Variants in NOS1AP observed in about 807,000 individuals in gnomAD.
NOS1AP encodes the protein carboxyl-terminal PDZ ligand of neuronal nitric oxide synthase protein.
A neutral mutation model predicts 56.2 loss-of-function variants in NOS1AP; 21 were observed. The observed-to-expected ratio is 0.37, with a 90% CI of 0.26 to 0.54. The LOEUF is 0.54. Ranked by LOEUF, NOS1AP falls within the 20% of genes least tolerant of loss-of-function variation. The pLI is 0.84. For missense variants in NOS1AP, 522 were observed against 657.8 expected (o/e 0.79, Z 2.26); for synonymous variants, 270 against 274.6 (o/e 0.98, Z 0.17).
chr1:162,255,699 C>G (rs1194863314), intron 2 of NOS1AP, among the ~76,000 whole-genome samples: 1 of 151,898 alleles, frequency 6.6e-6, no homozygotes, highest in Non-Finnish European at 1.5e-5. Context: ...AAAGAAAGAC[C>G]TCTGTAGCAT....
chr1:162,251,901 G>T (rs1265795180), intron 2 of NOS1AP, among the ~76,000 whole-genome samples: 1 of 115,884 alleles, frequency 8.6e-6, no homozygotes, highest in Non-Finnish European at 1.7e-5. Flanking sequence ...TGGAGACAAG[G>T]TCCCACTATA....
At chr1:162,335,852 C>T (rs1330904783) in intron 5 of NOS1AP, among the ~76,000 whole-genome samples, 2 of 152,186 alleles carry the variant, frequency 1.3e-5, no homozygotes, top group Non-Finnish European at 2.9e-5. Context: ...GTTACCTCCT[C>T]TCTTGGTTGA....
At chr1:162,260,056 T>A (rs142353160) in intron 2 of NOS1AP, among the ~76,000 whole-genome samples, 135 of 152,282 alleles carry the variant, frequency 8.9e-4, no homozygotes, top group African/African-American at 2.9e-3. Flanking sequence ...GAAACAATGA[T>A]GTCATGGGTA....
chr1:162,286,597 T>G (rs953608033), intron 2 of NOS1AP, among the ~76,000 whole-genome samples: 2 of 152,230 alleles, frequency 1.3e-5, no homozygotes, highest in Non-Finnish European at 2.9e-5. Context: ...GAGCTGAGAT[T>G]GAGGATGACG....
chr1:162,158,733 T>C (rs1334468833), intron 2 of NOS1AP, among the ~76,000 whole-genome samples: 1 of 152,166 alleles, frequency 6.6e-6, no homozygotes, highest in Non-Finnish European at 1.5e-5. Flanking sequence ...TATTAGGTTT[T>C]TCCATATATT....
chr1:162,115,081 A>G (rs1647887712), intron 1 of NOS1AP, among the ~76,000 whole-genome samples: 2 of 152,214 alleles, frequency 1.3e-5, no homozygotes. Flanking sequence ...TCATTCACTT[A>G]CAGATTGCCA....
At chr1:162,135,340 T>C (rs1020157854) in intron 1 of NOS1AP, among the ~76,000 whole-genome samples, 5 of 152,218 alleles carry the variant, frequency 3.3e-5, no homozygotes, top group East Asian at 1.9e-4. Context: ...ATACTGAGTA[T>C]CTGCAAAGGT....
chr1:162,228,177 G>T (rs1189524181), intron 2 of NOS1AP, among the ~76,000 whole-genome samples: 2 of 152,156 alleles, frequency 1.3e-5, no homozygotes, highest in East Asian at 3.9e-4. Flanking sequence ...AAGGAGAAAA[G>T]GCTTAGAGGT....
At chr1:162,171,642 G>A (rs1321102933) in intron 2 of NOS1AP, among the ~76,000 whole-genome samples, 2 of 152,182 alleles carry the variant, frequency 1.3e-5, no homozygotes, top group Non-Finnish European at 2.9e-5. Context: ...TAAGGATCCT[G>A]TAAGTGAGCT....
At chr1:162,175,169 G>C (rs6427660) in intron 2 of NOS1AP, among the ~76,000 whole-genome samples, 146,156 of 152,010 alleles carry the variant, frequency 0.96, 70,543 homozygotes, top group East Asian at 1. Context: ...AAAAAAAGTC[G>C]TTATGCATGG....
intron 6 of NOS1AP, among the ~76,000 whole-genome samples, chr1:162,350,549 C>A (rs1186794106): frequency 1.3e-5 from 2 of 152,238 alleles, no homozygotes; most frequent in African/African-American, 4.8e-5. Flanking sequence ...CTGGGTGAGA[C>A]CCTGTTCCCC....
intron 5 of NOS1AP, among the ~76,000 whole-genome samples, chr1:162,340,034 C>T (rs1013110900): frequency 1.3e-5 from 2 of 152,212 alleles, no homozygotes; most frequent in African/African-American, 4.8e-5. Context: ...CCCCTTCTGA[C>T]TCCCTGAGTG....
chr1:162,349,997 GC>G lies in NOS1AP; in HGVS notation c.596-5189del, dbSNP rs1382638322. Among the ~76,000 whole-genome samples the G allele has an allele frequency of 2.6e-5, 4 of 152,330 alleles. No individual in the cohort carries two copies. In the East Asian group the frequency reaches 7.7e-4, roughly 29 times the overall value. On this transcript the variant is annotated intron_variant, in intron 6 of 9. Transcript: ENST00000361897. ...CACACGTTTTCACTGTCTATAAACT[GC>G]TAGGAATGTGTTTCTTCTTACTGTA...
At chr1:162,295,477 G>A (rs986022159) in intron 3 of NOS1AP, among the ~76,000 whole-genome samples, 2 of 152,038 alleles carry the variant, frequency 1.3e-5, no homozygotes, top group African/African-American at 4.8e-5. Flanking sequence ...ATAGGTTTGG[G>A]AAATTTGTTT....
At chr1:162,269,307 A>G (rs541430888) in intron 2 of NOS1AP, among the ~76,000 whole-genome samples, 1 of 152,272 alleles carries the variant, frequency 6.6e-6, no homozygotes, top group East Asian at 1.9e-4. Context: ...TAATATCCTC[A>G]TCTTAAAATT....
intron 2 of NOS1AP, among the ~76,000 whole-genome samples, chr1:162,271,123 G>C (rs1201560991): frequency 6.6e-6 from 1 of 152,232 alleles, no homozygotes; most frequent in Admixed American, 6.5e-5. Flanking sequence ...GTTTCAGGAA[G>C]GCTTAAATGG....
At chr1:162,219,094 T>G (rs942593166) in intron 2 of NOS1AP, among the ~76,000 whole-genome samples, 2 of 152,160 alleles carry the variant, frequency 1.3e-5, no homozygotes, top group African/African-American at 4.8e-5. Flanking sequence ...CCATCTGGGT[T>G]AGAATCTTCA....
chr1:162,172,509 C>T (rs1158329873), intron 2 of NOS1AP, among the ~76,000 whole-genome samples: 1 of 152,192 alleles, frequency 6.6e-6, no homozygotes, highest in African/African-American at 2.4e-5. Context: ...ATGGCCATGA[C>T]TCTGTGTTGC....
chr1:162,313,649 G>A (rs1345662643), intron 4 of NOS1AP, among the ~76,000 whole-genome samples: 1 of 152,194 alleles, frequency 6.6e-6, no homozygotes, highest in Non-Finnish European at 1.5e-5. Flanking sequence ...TTGGGGATCT[G>A]AGTGTAATGG....
Sources: gnomAD v4.1 joint callset for allele counts (sites outside exome capture counted in the v4.1 genomes callset) on GRCh38, gnomAD v4.1.1 for gene constraint, MANE v1.5 for transcripts, NCBI Gene and HGNC (gene_info 2026-07-23, HGNC 2026-07-21) for gene names.